DZIP1: variants seen among roughly 807,000 people sequenced by gnomAD.
The protein encoded by DZIP1 is DAZ interacting zinc finger protein 1.
In DZIP1, 97 loss-of-function variants were observed where a neutral mutation model predicts 107.6. The observed-to-expected ratio is 0.90, with a 90% CI of 0.77 to 1.07. The LOEUF (loss-of-function observed/expected upper bound fraction) is 1.07, where lower values mean the gene tolerates loss of function less well. DZIP1 is among the 50% of genes least tolerant of loss of function. The probability of loss-of-function intolerance (pLI) is 0.00; values close to 1 mark genes in which losing one functional copy is unlikely to be tolerated. For synonymous variants in DZIP1, 390 were observed against 386.4 expected (o/e 1.01, Z -0.11); for missense variants, 1,035 against 1,063.6 (o/e 0.97, Z 0.37).
At chr13:95,617,923 A>C (rs1237719288) in intron 10 of DZIP1, 1 of 517,442 alleles carries the variant, frequency 1.9e-6, no homozygotes, top group Non-Finnish European at 3.8e-6. Context: ...TGAGAGAGAA[A>C]GGTGGAATCA....
intron 19 of DZIP1, among the ~76,000 whole-genome samples, chr13:95,588,348 G>A (rs1314242763): frequency 2.0e-5 from 3 of 152,142 alleles, no homozygotes; most frequent in Admixed American, 2.0e-4. Context: ...CTTTTGAAGG[G>A]TGAATCATTG....
At chr13:95,628,675 T>C (rs1253634036) in intron 7 of DZIP1, among the ~76,000 whole-genome samples, 1 of 152,212 alleles carries the variant, frequency 6.6e-6, no homozygotes, top group Non-Finnish European at 1.5e-5. Flanking sequence ...TATACATACA[T>C]ATACCATGAA....
rs183369500 is a variant in DZIP1, at chr13:95,616,008, G to A, written c.1174-3831C>T. Among the ~76,000 whole-genome samples, 289 of 152,238 alleles carry A rather than the reference G, an allele frequency of 1.9e-3. 1 individual carries two copies. The highest frequency in any genetic ancestry group is 6.3e-3 in the African/African-American group (262 of 41,544). ...GGAGAAATGTGCACAGCTGAGAGCC[G>A]ATATGAGTCAGCTCCAGGACACCAG... On this transcript the variant is annotated intron_variant, in intron 10 of 22. Coordinates refer to ENST00000376829, the MANE Select transcript of DZIP1 (RefSeq NM_198968.4).
chr13:95,591,403 C>A (rs1594651326), intron 16 of DZIP1, among the ~76,000 whole-genome samples: 1 of 152,168 alleles, frequency 6.6e-6, no homozygotes, highest in East Asian at 1.9e-4. Flanking sequence ...TGATGAGAAT[C>A]TAGACAGAAG....
At chr13:95,589,782 T>C in intron 18 of DZIP1, 21 bp downstream of exon 18, 1 of 1,608,132 alleles carries the variant, frequency 6.2e-7, no homozygotes, top group South Asian at 1.1e-5. Flanking sequence ...ATAAAATAAA[T>C]CTGAGGGCTG....
chr13:95,613,909 A>C (rs1874708397), intron 10 of DZIP1, among the ~76,000 whole-genome samples: 1 of 152,096 alleles, frequency 6.6e-6, no homozygotes, highest in Non-Finnish European at 1.5e-5. Flanking sequence ...GGATCACTGG[A>C]GTCCAGGAGT....
intron 13 of DZIP1, among the ~76,000 whole-genome samples, chr13:95,607,434 A>C (rs566152673): frequency 6.6e-6 from 1 of 152,156 alleles, no homozygotes; most frequent in African/African-American, 2.4e-5. Context: ...TTGCTAACAA[A>C]CTCTGGAAAT....
At chr13:95,592,460 G>T (rs1002829937) in intron 16 of DZIP1, among the ~76,000 whole-genome samples, 1 of 152,152 alleles carries the variant, frequency 6.6e-6, no homozygotes, top group Non-Finnish European at 1.5e-5. Flanking sequence ...CCTAAAAAGG[G>T]TCTATGTGGA....
chr13:95,599,917 G>A (rs2044564514), intron 14 of DZIP1, among the ~76,000 whole-genome samples: 1 of 152,284 alleles, frequency 6.6e-6, no homozygotes, highest in East Asian at 1.9e-4. Context: ...ACAGGCGAGA[G>A]GTCAGCAGCA....
At chr13:95,605,936 G>C (rs1338530853) in intron 14 of DZIP1, 67 bp downstream of exon 14, 2 of 1,494,854 alleles carry the variant, frequency 1.3e-6, no homozygotes, top group Non-Finnish European at 1.8e-6. Flanking sequence ...ATCACTTTTG[G>C]TTAATAAGTT....
chr13:95,606,198 A>G (rs1002912648), intron 13 of DZIP1, 139 bp from the exon 14 acceptor site: 14 of 667,224 alleles, frequency 2.1e-5, no homozygotes, highest in African/African-American at 1.6e-4. Context: ...AGTGACAAAG[A>G]TATTACACAA....
Position 95,624,839 on chromosome 13 carries a change from T to A in DZIP1, c.901A>T (p.Met301Leu). The change falls in exon 8 of 23, where the codon ATG (methionine) becomes TTG (leucine). Residue 301 changes from methionine to leucine, a missense_variant. By Grantham distance (15) the Met-to-Leu change is conservative (BLOSUM62 2). Transcript: ENST00000376829. ...ATAAACATCTCCTTGACTTTTTCCA[T>A]TTCATCAACTAGTTTCTCCTTTTCT... ...EEEKEKLVDE[M>L]EKVKEMFMKE... 6.2e-7 allele frequency: 1 copy of A among 1,612,364 alleles called. No homozygotes were observed. Among genetic ancestry groups the A allele is most frequent in the Non-Finnish European group, 8.5e-7 (1 of 1,178,852 alleles).
At chr13:95,612,321 A>G in intron 10 of DZIP1, 144 bp from the exon 11 acceptor site, 1 of 953,968 alleles carries the variant, frequency 1.0e-6, no homozygotes, top group Non-Finnish European at 1.5e-6. Context: ...ATCTTTGATC[A>G]TGGTATATCC....
intron 10 of DZIP1, among the ~76,000 whole-genome samples, chr13:95,613,280 A>G (rs1418060271): frequency 6.6e-6 from 1 of 152,200 alleles, no homozygotes; most frequent in Non-Finnish European, 1.5e-5. Context: ...TGGGAGGCTG[A>G]GGCAGGCAGA....
In DZIP1 at chr13:95,580,377, T is replaced by C. The variant is rs1358792135; in HGVS notation, c.*1857A>G. 2 of 149,840 alleles carry C rather than the reference T, an allele frequency of 1.3e-5. No homozygotes were observed. The highest frequency in any genetic ancestry group is 3.0e-5 in the Non-Finnish European group (2 of 67,556). 9.3% of individuals were successfully genotyped at this position (149,840 alleles called of 1,614,324 possible). Reference sequence around the variant, plus strand: ...AAAAGATACAACTAACCATGTAAGCTAAAGGAGGGGCTCTTAAAAGACACA... The same window carrying C: ...AAAAGATACAACTAACCATGTAAGCCAAAGGAGGGGCTCTTAAAAGACACA... On this transcript the variant is annotated 3_prime_UTR_variant, in exon 23 of 23. Coordinates refer to ENST00000376829, the MANE Select transcript of DZIP1 (RefSeq NM_198968.4).
chr13:95,590,156 G>T, intron 17 of DZIP1, 123 bp downstream of exon 17: 1 of 1,111,734 alleles, frequency 9.0e-7, no homozygotes, highest in Non-Finnish European at 1.3e-6. Flanking sequence ...CAGTGAAGTG[G>T]CGAAGTTTGT....
chr13:95,585,309 C>A (rs1160975256), intron 21 of DZIP1, among the ~76,000 whole-genome samples: 1 of 152,170 alleles, frequency 6.6e-6, no homozygotes, highest in Non-Finnish European at 1.5e-5. Flanking sequence ...ACCGAATAGC[C>A]CCCAACTGAA....
At chr13:95,639,999 T>TTTA (rs1555316296) in intron 5 of DZIP1, among the ~76,000 whole-genome samples, 1,983 of 46,074 alleles carry the variant, frequency 0.043, 44 homozygotes, top group African/African-American at 0.069. Context: ...TTTTTATTTA[T>TTTA]TTTTTTTTTT....
chr13:95,587,695 C>T lies in DZIP1; in HGVS notation c.2062G>A (p.Asp688Asn), dbSNP rs267603867. ...GCGTATGCCCGGATGAGGTCGTCGTCCTCCTGCTCCTCCTCTGAACTAAAA... is the reference window on the plus strand; with the variant it reads ...GCGTATGCCCGGATGAGGTCGTCGTTCTCCTGCTCCTCCTCTGAACTAAAA... Reference protein sequence around the residue: ...PPFSSEEEQEDDDLIRAYASP... With the variant: ...PPFSSEEEQENDDLIRAYASP... The change falls in exon 20 of 23, where the codon GAC becomes AAC. Residue 688 changes from aspartate to asparagine, a missense_variant. Transcript: ENST00000376829. 6.2e-7 allele frequency: 1 copy of T among 1,614,044 alleles called. No individual in the cohort carries two copies. Among genetic ancestry groups the T allele is most frequent in the Non-Finnish European group, 8.5e-7 (1 of 1,180,000 alleles).
Sources: allele counts gnomAD v4.1 joint callset (sites outside exome capture counted in the v4.1 genomes callset), GRCh38; gene constraint gnomAD v4.1.1; transcripts MANE v1.5; gene names NCBI Gene and HGNC (gene_info 2026-07-23, HGNC 2026-07-21).